TTN: variants seen among roughly 807,000 people sequenced by gnomAD.
TTN encodes titin, also known as connectin.
Under a neutral mutation model 3,223.0 loss-of-function variants are expected in TTN, and 1,525 were observed. That is an observed-to-expected ratio of 0.47 (90% CI 0.45 to 0.49). The LOEUF is 0.49. TTN is among the 20% of genes least tolerant of loss of function. TTN has a pLI of 0.00. For missense variants in TTN, 40,786 were observed against 43,424.0 expected (o/e 0.94, Z 5.40); for synonymous variants, 14,094 against 15,161.0 (o/e 0.93, Z 5.17).
rs773555433 is a variant in TTN, at chr2:178,542,311, A to G, written c.97445T>C (p.Ile32482Thr). 2.2e-5 allele frequency: 36 copies of G among 1,612,578 alleles called. No individual in the cohort carries two copies. Among genetic ancestry groups the G allele is most frequent in the Non-Finnish European group, 2.7e-5 (32 of 1,179,284 alleles). Residue 32482 changes from isoleucine to threonine, a missense_variant, in exon 349 of 363, where the codon ATT becomes ACT. Transcript: ENST00000589042. Reference sequence around the variant, plus strand: ...GACCTCAGACTGCAAGTAAGAGCCAATCCCGAAGCGGTTTGTTGCAGCCAC... The same window carrying G: ...GACCTCAGACTGCAAGTAAGAGCCAGTCCCGAAGCGGTTTGTTGCAGCCAC... ...FRVAATNRFG[I>T]GSYLQSEVIE...
In TTN at chr2:178,559,293, C is replaced by T; in HGVS notation, c.86821+18G>A. The T allele has an allele frequency of 1.3e-6, 2 of 1,549,874 alleles. No homozygotes were observed. Among genetic ancestry groups the T allele is most frequent in the Non-Finnish European group, 1.7e-6 (2 of 1,149,470 alleles). On this transcript the variant is annotated intron_variant, in intron 326 of 362. Coordinates refer to ENST00000589042, the MANE Select transcript of TTN (RefSeq NM_001267550.2). ...AATTAACGTGGATATGTAGAATTTCCTTATTCTTAAAACATACCTGTTATT... is the reference window on the plus strand; with the variant it reads ...AATTAACGTGGATATGTAGAATTTCTTTATTCTTAAAACATACCTGTTATT...
intron 1 of TTN, among the ~76,000 whole-genome samples, chr2:178,804,940 T>C (rs1202537713): frequency 6.6e-6 from 1 of 152,190 alleles, no homozygotes; most frequent in East Asian, 1.9e-4. Context: ...AGAGGGAATA[T>C]ACAGTCTTAC....
At position 178,615,400 on chromosome 2, in the gene TTN, T is replaced by G. The variant is rs762913484; in HGVS notation, c.48545A>C (p.Asp16182Ala). The G allele has an allele frequency of 1.3e-5, 21 of 1,612,546 alleles. No individual in the cohort carries two copies. Among genetic ancestry groups the G allele is most frequent in the Non-Finnish European group, 1.5e-5 (18 of 1,179,070 alleles). ...IFLTWDPPKN[D>A]GGSRIKGYIV... ...ATATCCTTTGATGCGTGAACCACCA[T>G]CATTTTTAGGTGGATCCCATGTTAA... Residue 16182 changes from aspartate to alanine, a missense_variant, in exon 259 of 363, where the codon GAT becomes GCT. Transcript: ENST00000589042.
rs573941323 is a variant in TTN, at chr2:178,766,437, C to G, written c.9647G>C (p.Gly3216Ala). 4 of 1,614,164 alleles carry G rather than the reference C, an allele frequency of 2.5e-6. No homozygotes were observed. In the African/African-American group the frequency reaches 5.3e-5, roughly 22 times the overall value. The change falls in exon 41 of 363, where the codon GGA becomes GCA. Residue 3216 changes from glycine (G) to alanine (A), a missense_variant. Transcript: ENST00000589042. The stretch of plus-strand genomic sequence containing the variant: ...CCTTCCTGCCACAAAGGTGTATTCT[C>G]CTGCATCGCTCTGTCTGGTCTCAGA... ...FISETRQSDAGEYTFVAGRNR... is the reference protein window; with the variant it reads ...FISETRQSDAAEYTFVAGRNR...
chr2:178,637,164 T>TATATATAC (rs2060567954), intron 224 of TTN, among the ~76,000 whole-genome samples: 2 of 120,496 alleles, frequency 1.7e-5, no homozygotes, highest in Non-Finnish European at 3.4e-5. Context: ...TATATATATA[T>TATATATAC]ATATATATAT....
Position 178,739,746 on chromosome 2 carries a change from T to C in TTN, c.13487A>G (p.Gln4496Arg), listed in dbSNP as rs878854287. The C allele has an allele frequency of 6.2e-7, 1 of 1,613,944 alleles. No individual in the cohort carries two copies. The highest frequency in any genetic ancestry group is 8.5e-7 in the Non-Finnish European group (1 of 1,179,842). Residue 4496 changes from glutamine (Q) to arginine (R), a missense_variant, in exon 48 of 363, where the codon CAG becomes CGG. Coordinates refer to ENST00000589042, the MANE Select transcript of TTN (RefSeq NM_001267550.2). ...TTGCAAACTTGTTTTGGCTCCTTGCTGAATTCTAGGACCCTCAGCTGTTAG... is the reference window on the plus strand; with the variant it reads ...TTGCAAACTTGTTTTGGCTCCTTGCCGAATTCTAGGACCCTCAGCTGTTAG... ...DILTAEGPRI[Q>R]QGAKTSLQEE...
At position 178,652,511 on chromosome 2, in the gene TTN, T is replaced by A. The variant is rs762740076; in HGVS notation, c.39074A>T (p.Glu13025Val). The stretch of plus-strand genomic sequence containing the variant: ...AGGAGGAGCCGCTGGCACTTTCTTT[T>A]CAGGAACAACTTCTTTCGGAGCCTC... ...VPEAPKEVVP[E>V]KKVPAAPPKK... The change falls in exon 202 of 363, where the codon GAA becomes GTA. Residue 13025 changes from glutamate to valine, a missense_variant. Coordinates refer to ENST00000589042, the MANE Select transcript of TTN (RefSeq NM_001267550.2). The A allele has an allele frequency of 1.2e-6, 2 of 1,613,604 alleles. No individual in the cohort carries two copies. Among genetic ancestry groups the A allele is most frequent in the South Asian group, 1.1e-5 (1 of 91,076 alleles).
chr2:178,775,022 AAGTGAACCTTTCTGTCAG>A lies in TTN; in HGVS notation c.6671_6688del (p.Ser2224_His2229del). ...CGTATCAATGGTCAGTATGGAGAGG[AAGTGAACCTTTCTGTCAG>A]AGTGCATCCTGTATTTATCTCCCTC... On this transcript the variant is annotated inframe_deletion, in exon 29 of 363. Transcript: ENST00000589042. 1.2e-6 allele frequency: 2 copies of A among 1,614,034 alleles called. No individual in the cohort carries two copies. The highest frequency in any genetic ancestry group is 1.7e-6 in the Non-Finnish European group (2 of 1,179,958).
At chr2:178,744,367 C>G in intron 47 of TTN, 1 of 983,986 alleles carries the variant, frequency 1.0e-6, no homozygotes. Context: ...TGAATGATCA[C>G]CTCTAAGGTC....
rs562958220 is a variant in TTN, at chr2:178,729,203, A to C, written c.18869-34T>G. 1.6e-5 allele frequency: 25 copies of C among 1,546,978 alleles called. No individual in the cohort carries two copies. In the South Asian group the frequency reaches 2.8e-4, roughly 17 times the overall value. On this transcript the variant is annotated intron_variant, in intron 64 of 362. Transcript: ENST00000589042. ...AAATAAGAGAGTGTGAAAAGAAGAA[A>C]CATATTGTAACTCCTACCCATAATG...
chr2:178,586,252 T>C lies in TTN; in HGVS notation c.64396+253A>G, dbSNP rs571394985. Among the ~76,000 whole-genome samples, 4 of 152,126 alleles carry C rather than the reference T, an allele frequency of 2.6e-5. No individual in the cohort carries two copies. In the East Asian group the frequency reaches 5.8e-4, roughly 22 times the overall value. On this transcript the variant is annotated intron_variant, in intron 308 of 362. Transcript: ENST00000589042. ...AGCCAATATTTTTAAAAACACAGAATAGGGTAGAAAACATAAGAATGCACA... is the reference window on the plus strand; with the variant it reads ...AGCCAATATTTTTAAAAACACAGAACAGGGTAGAAAACATAAGAATGCACA...
At chr2:178,795,328 C>G (rs1008292654) in intron 6 of TTN, 76 bp from the exon 7 acceptor site, 2 of 1,417,488 alleles carry the variant, frequency 1.4e-6, no homozygotes, top group South Asian at 2.3e-5. Flanking sequence ...AGATGAAAAG[C>G]TGGAAGTGCT....
rs1704000371 is a variant in TTN at position 178,562,363 on chromosome 2, T to C, written c.83769A>G (p.Ile27923Met). The change falls in exon 326 of 363, where the codon ATA becomes ATG. Residue 27923 changes from isoleucine to methionine, a missense_variant. By Grantham distance (10) the Ile-to-Met change is conservative. Transcript: ENST00000589042. Reference sequence around the variant, plus strand: ...ACTCTTCTCCTGCAGTTAAGCCAGATATAGTTGCTTCTAGAGTCTTAACTT... The same window carrying C: ...ACTCTTCTCCTGCAGTTAAGCCAGACATAGTTGCTTCTAGAGTCTTAACTT... ...CTQVKTLEAT[I>M]SGLTAGEEYV... 6.2e-7 allele frequency: 1 copy of C among 1,610,760 alleles called. No individual in the cohort carries two copies.
At position 178,614,055 on chromosome 2, in the gene TTN, A is replaced by C; in HGVS notation, c.49342T>G (p.Phe16448Val). ...ATCAGCTGATTGAGAAACTTACCAA[A>C]CTGATATTTGGCTGTTATTGGAGAG... ...QASPITAKYQ[F>V]DPPGPPTRLE... The change falls in exon 262 of 363, where the codon TTT (phenylalanine) becomes GTT (valine). Residue 16448 changes from phenylalanine to valine, a missense_variant. By Grantham distance (50) the Phe-to-Val change is conservative. Transcript: ENST00000589042. 6.2e-7 allele frequency: 1 copy of C among 1,611,382 alleles called. No individual in the cohort carries two copies. The highest frequency in any genetic ancestry group is 8.5e-7 in the Non-Finnish European group (1 of 1,178,986).
intron 87 of TTN, 35 bp from the exon 88 acceptor site, chr2:178,717,417 T>C (rs2077648803): frequency 6.3e-7 from 1 of 1,584,776 alleles, no homozygotes; most frequent in African/African-American, 1.4e-5. Flanking sequence ...GTGATTTTTA[T>C]TTCCATGCTC....
rs1013907314 is a variant in TTN at position 178,534,767 on chromosome 2, T to C, written c.101848A>G (p.Arg33950Gly). ...ATGATTTTAATGGTAGAGCTTCTTCTGGTTTGGTAAATGATATTTTCTGGT... is the reference window on the plus strand; with the variant it reads ...ATGATTTTAATGGTAGAGCTTCTTCCGGTTTGGTAAATGATATTTTCTGGT... ...IRPENIIYQT[R>G]RSSTIKIIEF... is the part of the protein sequence containing the mutation. Residue 33950 changes from arginine to glycine, a missense_variant, in exon 358 of 363, where the codon AGA becomes GGA. Arg to Gly is a moderately radical substitution (Grantham distance 125). Coordinates refer to ENST00000589042, the MANE Select transcript of TTN (RefSeq NM_001267550.2). 6 of 1,613,478 alleles carry C rather than the reference T, an allele frequency of 3.7e-6. No individual in the cohort carries two copies. The highest frequency in any genetic ancestry group is 1.7e-5 in the Admixed American group (1 of 59,994).
At position 178,587,661 on chromosome 2, in the gene TTN, C is replaced by G. The variant is rs1285907949; in HGVS notation, c.63648G>C (p.Val21216=). ...VTWRKVGIDN[V]VRKGQVDLVD... is the part of the protein sequence containing the mutation. ...CCAGATCAACTTGTCCTTTTCTGAC[C>G]ACATTATCAATGCCAACTTTTCGCC... The change falls in exon 306 of 363, where the codon GTG becomes GTC. Residue 21216 remains valine (V), a synonymous_variant. Coordinates refer to ENST00000589042, the MANE Select transcript of TTN (RefSeq NM_001267550.2). 1 of 1,612,870 alleles carries G rather than the reference C, an allele frequency of 6.2e-7. No individual in the cohort carries two copies. The highest frequency in any genetic ancestry group is 8.5e-7 in the Non-Finnish European group (1 of 1,179,420).
chr2:178,668,889 AAG>A (rs907954117), intron 159 of TTN, among the ~76,000 whole-genome samples: 1 of 150,696 alleles, frequency 6.6e-6, no homozygotes, highest in Admixed American at 6.6e-5. Context: ...CCCAAAAAAA[AAG>A]GTCGTGAGAA....
At chr2:178,541,702 G>C in intron 349 of TTN, 118 bp from the exon 350 acceptor site, 1 of 730,370 alleles carries the variant, frequency 1.4e-6, no homozygotes, top group East Asian at 3.3e-5. Context: ...TAAGGCACAT[G>C]ACTATTTTTC....
Sources: allele counts gnomAD v4.1 joint callset (sites outside exome capture counted in the v4.1 genomes callset), GRCh38; gene constraint gnomAD v4.1.1; transcripts MANE v1.5; gene names NCBI Gene and HGNC (gene_info 2026-07-23, HGNC 2026-07-21).